The following KCTD16 variants were observed in gnomAD, a reference collection of about 807,000 sequenced individuals.
The protein encoded by KCTD16 is potassium channel tetramerization domain containing 16, also known as BTB/POZ domain-containing protein KCTD16.
KCTD16 carries 13 observed loss-of-function variants against 33.2 expected under a neutral mutation model. The observed-to-expected ratio is 0.39, with a 90% CI of 0.25 to 0.62. The LOEUF (loss-of-function observed/expected upper bound fraction) is 0.62, where lower values mean the gene tolerates loss of function less well. Among genes scored for constraint, KCTD16 ranks in the 20% least tolerant of loss-of-function variants. KCTD16 has a pLI of 0.50. For synonymous variants in KCTD16, 197 were observed against 195.3 expected, an observed-to-expected ratio of 1.01 and a Z score of -0.07; for missense variants, 441 against 525.1, an observed-to-expected ratio of 0.84 and a Z score of 1.57.
chr5:144,316,573 C>T (rs1466996894), intron 3 of KCTD16, among the ~76,000 whole-genome samples: 8 of 143,116 alleles, frequency 5.6e-5, no homozygotes, highest in East Asian at 2.1e-4. Context: ...TGCAGTGGCG[C>T]GATCTCTCCA....
chr5:144,234,430 G>A (rs1754192850), intron 3 of KCTD16, among the ~76,000 whole-genome samples: 1 of 151,966 alleles, frequency 6.6e-6, no homozygotes, highest in African/African-American at 2.4e-5. Flanking sequence ...CCTATTCCAG[G>A]GATTACAAGT....
chr5:144,462,914 A>T (rs1464750255), intron 3 of KCTD16, among the ~76,000 whole-genome samples: 1 of 152,184 alleles, frequency 6.6e-6, no homozygotes, highest in Non-Finnish European at 1.5e-5. Flanking sequence ...TCCCAATCAG[A>T]GGGAATCAAG....
intron 3 of KCTD16, among the ~76,000 whole-genome samples, chr5:144,354,405 ATT>A (rs2126910490): frequency 6.6e-6 from 1 of 152,272 alleles, no homozygotes; most frequent in African/African-American, 2.4e-5. Context: ...AAAATCCAAG[ATT>A]TGTATACATT....
chr5:144,382,758 C>T (rs1260960624), intron 3 of KCTD16, among the ~76,000 whole-genome samples: 2 of 152,140 alleles, frequency 1.3e-5, no homozygotes, highest in African/African-American at 4.8e-5. Flanking sequence ...GGATCCACTG[C>T]GAGGTTCTGG....
rs527926004 is a variant in KCTD16 at position 144,278,835 on chromosome 5, C to T, written c.832+71289C>T. Among the ~76,000 whole-genome samples, 8 of 152,270 alleles carry T rather than the reference C, an allele frequency of 5.3e-5. No homozygotes were observed. In the South Asian group the frequency reaches 1.7e-3, roughly 32 times the overall value. On this transcript the variant is annotated intron_variant, in intron 3 of 3. Transcript: ENST00000512467. ...TTAAAAAATTAGAAACAGCTTGTCA[C>T]TACCTCCAATAATAATCCTGCTGAA...
chr5:144,363,016 T>C (rs1046600371), intron 3 of KCTD16, among the ~76,000 whole-genome samples: 1 of 152,222 alleles, frequency 6.6e-6, no homozygotes, highest in African/African-American at 2.4e-5. Flanking sequence ...TGAAAACTTC[T>C]ATACGGCCTC....
At chr5:144,378,848 T>C (rs1175025522) in intron 3 of KCTD16, among the ~76,000 whole-genome samples, 1 of 152,200 alleles carries the variant, frequency 6.6e-6, no homozygotes, top group African/African-American at 2.4e-5. Context: ...TCACTGCATA[T>C]AGACAGATGG....
At chr5:144,458,810 T>C (rs1403565810) in intron 3 of KCTD16, among the ~76,000 whole-genome samples, 2 of 152,234 alleles carry the variant, frequency 1.3e-5, no homozygotes, top group African/African-American at 4.8e-5. Context: ...TTTCAATGTA[T>C]TTGCAGCTAT....
intron 3 of KCTD16, among the ~76,000 whole-genome samples, chr5:144,289,209 A>G: frequency 6.6e-6 from 1 of 152,118 alleles, no homozygotes; most frequent in Non-Finnish European, 1.5e-5. Context: ...ATCATTTATG[A>G]TTTGTTTCTT....
At chr5:144,354,258 C>G (rs1359818155) in intron 3 of KCTD16, among the ~76,000 whole-genome samples, 1 of 152,050 alleles carries the variant, frequency 6.6e-6, no homozygotes, top group Non-Finnish European at 1.5e-5. Context: ...ATAAGAACTA[C>G]TACTGATAAG....
At chr5:144,411,447 T>C (rs1401126701) in intron 3 of KCTD16, among the ~76,000 whole-genome samples, 1 of 152,118 alleles carries the variant, frequency 6.6e-6, no homozygotes. Context: ...GACATTCTCT[T>C]AGATAAATGG....
chr5:144,382,619 T>A (rs1431666588), intron 3 of KCTD16, among the ~76,000 whole-genome samples: 1 of 152,166 alleles, frequency 6.6e-6, no homozygotes, highest in Non-Finnish European at 1.5e-5. Context: ...ACTGGAAATT[T>A]GTTTTATTCA....
At chr5:144,370,929 A>G (rs1354507991) in intron 3 of KCTD16, among the ~76,000 whole-genome samples, 1 of 152,094 alleles carries the variant, frequency 6.6e-6, no homozygotes, top group Non-Finnish European at 1.5e-5. Flanking sequence ...CGTTTTTACC[A>G]TTAAAGTAAT....
intron 3 of KCTD16, among the ~76,000 whole-genome samples, chr5:144,216,835 CTCTG>C (rs1334970558): frequency 7.5e-5 from 11 of 145,996 alleles, no homozygotes; most frequent in African/African-American, 2.9e-4. Context: ...CAGAGGGAGA[CTCTG>C]TCTGGAAAAA....
At chr5:144,264,214 T>C (rs931791440) in intron 3 of KCTD16, among the ~76,000 whole-genome samples, 3 of 152,232 alleles carry the variant, frequency 2.0e-5, no homozygotes, top group African/African-American at 4.8e-5. Flanking sequence ...AATCTTTCTC[T>C]GTATAAAGAT....
At chr5:144,247,350 G>A (rs1290252989) in intron 3 of KCTD16, among the ~76,000 whole-genome samples, 1 of 152,202 alleles carries the variant, frequency 6.6e-6, no homozygotes, top group Non-Finnish European at 1.5e-5. Context: ...AGGCAACTCA[G>A]GCACACAGAG....
At chr5:144,393,575 G>C (rs899098652) in intron 3 of KCTD16, among the ~76,000 whole-genome samples, 3 of 151,820 alleles carry the variant, frequency 2.0e-5, no homozygotes, top group Non-Finnish European at 4.4e-5. Context: ...GAGTGTGAGT[G>C]TGTGTGTGTG....
chr5:144,188,003 G>C (rs901185196), intron 2 of KCTD16, among the ~76,000 whole-genome samples: 2 of 152,140 alleles, frequency 1.3e-5, no homozygotes, highest in Non-Finnish European at 2.9e-5. Context: ...TCTGAGCCTA[G>C]CTTAGACATA....
chr5:144,270,845 CT>C (rs1452613664), intron 3 of KCTD16, among the ~76,000 whole-genome samples: 1 of 151,764 alleles, frequency 6.6e-6, no homozygotes, highest in African/African-American at 2.4e-5. Flanking sequence ...GACATTACTA[CT>C]GCTACTACAG....
Sources: gnomAD v4.1 joint callset for allele counts (sites outside exome capture counted in the v4.1 genomes callset) on GRCh38, gnomAD v4.1.1 for gene constraint, MANE v1.5 for transcripts, NCBI Gene and HGNC (gene_info 2026-07-23, HGNC 2026-07-21) for gene names.